CNTN5: variants seen among roughly 807,000 people sequenced by gnomAD.
The protein encoded by CNTN5 is contactin 5.
In CNTN5, 77 loss-of-function variants were observed where a neutral mutation model predicts 129.1. The observed-to-expected ratio is 0.60, with a 90% CI of 0.50 to 0.72. CNTN5 has a LOEUF of 0.72. Among genes scored for constraint, CNTN5 ranks in the 30% least tolerant of loss-of-function variants. The pLI is 0.00. For missense variants in CNTN5, 1,478 were observed against 1,328.8 expected, an observed-to-expected ratio of 1.11 and a Z score of -1.75; for synonymous variants, 509 against 465.6, an observed-to-expected ratio of 1.09 and a Z score of -1.20.
chr11:100,079,666 AG>A, intron 13 of CNTN5, among the ~76,000 whole-genome samples: 1 of 152,122 alleles, frequency 6.6e-6, no homozygotes, highest in Non-Finnish European at 1.5e-5. Flanking sequence ...TTTTTCTTTA[AG>A]GGCTCTCCAG....
chr11:99,293,243 G>A (rs1864244541), intron 1 of CNTN5, among the ~76,000 whole-genome samples: 1 of 152,128 alleles, frequency 6.6e-6, no homozygotes, highest in Non-Finnish European at 1.5e-5. Context: ...CACAATGTAT[G>A]TATGTAAAAC....
At chr11:100,088,713 A>G (rs1396308771) in intron 13 of CNTN5, among the ~76,000 whole-genome samples, 1 of 152,166 alleles carries the variant, frequency 6.6e-6, no homozygotes, top group Non-Finnish European at 1.5e-5. Flanking sequence ...TGAACAGACC[A>G]GTATCCAGTT....
At chr11:99,298,865 C>T (rs78387474) in intron 1 of CNTN5, among the ~76,000 whole-genome samples, 2 of 151,876 alleles carry the variant, frequency 1.3e-5, no homozygotes, top group African/African-American at 4.8e-5. Context: ...AGGTAACTTC[C>T]CCTCCAACCA....
At chr11:99,063,922 A>T (rs1335952096) in intron 1 of CNTN5, among the ~76,000 whole-genome samples, 1 of 152,068 alleles carries the variant, frequency 6.6e-6, no homozygotes, top group African/African-American at 2.4e-5. Context: ...ATAAGTGTGC[A>T]GTTTTTACCT....
At chr11:99,856,087 C>A (rs1430145081) in intron 6 of CNTN5, among the ~76,000 whole-genome samples, 2 of 152,078 alleles carry the variant, frequency 1.3e-5, no homozygotes, top group African/African-American at 4.8e-5. Flanking sequence ...TCACTAATTA[C>A]CTACGTGTTG....
At chr11:99,172,539 C>T (rs145034619) in intron 1 of CNTN5, among the ~76,000 whole-genome samples, 1 of 152,160 alleles carries the variant, frequency 6.6e-6, no homozygotes, top group African/African-American at 2.4e-5. Flanking sequence ...ACATTAACAT[C>T]TCTGAAGCTC....
At chr11:99,763,342 G>T (rs79688020) in intron 3 of CNTN5, among the ~76,000 whole-genome samples, 1,758 of 152,034 alleles carry the variant, frequency 0.012, 35 homozygotes, top group African/African-American at 0.04. Flanking sequence ...CCAAACAAAA[G>T]GATAATCATA....
rs1945500285 is a variant in CNTN5 at position 99,479,298 on chromosome 11, A to C, written c.-70-76847A>C. Reference sequence around the variant, plus strand: ...TTTTACTATTTTATAAGAAAATGTTATTTATTATGAAAGATAATTTAATTT... The same window carrying C: ...TTTTACTATTTTATAAGAAAATGTTCTTTATTATGAAAGATAATTTAATTT... On this transcript the variant is annotated intron_variant, in intron 2 of 24. Coordinates refer to ENST00000524871, the MANE Select transcript of CNTN5 (RefSeq NM_014361.4). Among the ~76,000 whole-genome samples the C allele has an allele frequency of 2.6e-5, 4 of 151,794 alleles. No homozygotes were observed. The South Asian group carries it at 8.3e-4, about 31-fold the overall frequency.
rs1565689064 is a variant in CNTN5, at chr11:99,930,520, A to C, written c.673+14371A>C. Among the ~76,000 whole-genome samples the C allele has an allele frequency of 2.0e-5, 3 of 152,202 alleles. No homozygotes were observed. The South Asian group carries it at 6.2e-4, about 32-fold the overall frequency. ...ACCGCCTGACAATTGCCTGACAGTC[A>C]CCTGACAGTTGCCTGATATTCTTTG... On this transcript the variant is annotated intron_variant, in intron 7 of 24. Transcript: ENST00000524871.
chr11:99,775,622 G>A (rs1278280552), intron 3 of CNTN5, among the ~76,000 whole-genome samples: 1 of 151,964 alleles, frequency 6.6e-6, no homozygotes. Flanking sequence ...CATATTTTAA[G>A]TTTTCTTCGG....
At chr11:99,620,025 CAA>C (rs779644229) in intron 3 of CNTN5, among the ~76,000 whole-genome samples, 1 of 67,908 alleles carries the variant, frequency 1.5e-5, no homozygotes, top group Non-Finnish European at 3.3e-5. Flanking sequence ...GACTCCGTCT[CAA>C]AAAAAAAAAA....
intron 13 of CNTN5, among the ~76,000 whole-genome samples, chr11:100,181,799 T>C (rs1428115320): frequency 6.6e-6 from 1 of 152,026 alleles, no homozygotes; most frequent in African/African-American, 2.4e-5. Context: ...GATATAAACC[T>C]TTAAAAAGAT....
chr11:99,935,396 A>G, intron 7 of CNTN5, among the ~76,000 whole-genome samples: 1 of 152,088 alleles, frequency 6.6e-6, no homozygotes, highest in East Asian at 1.9e-4. Flanking sequence ...GCATTATATT[A>G]TAAACATCAT....
At chr11:100,030,582 G>A (rs546698890) in intron 9 of CNTN5, among the ~76,000 whole-genome samples, 14 of 152,240 alleles carry the variant, frequency 9.2e-5, no homozygotes, top group South Asian at 2.1e-4. Context: ...CTCATTGTCC[G>A]CTTGTCTCTA....
chr11:100,229,042 C>A (rs2138642004), intron 16 of CNTN5, among the ~76,000 whole-genome samples: 1 of 152,270 alleles, frequency 6.6e-6, no homozygotes, highest in Middle Eastern at 3.4e-3. Context: ...CTACACAGCT[C>A]ACACACCAAG....
chr11:99,897,061 ACTT>A (rs1384021154), intron 6 of CNTN5, among the ~76,000 whole-genome samples: 10 of 152,184 alleles, frequency 6.6e-5, no homozygotes, highest in Admixed American at 4.6e-4. Context: ...GGAAGAAAGA[ACTT>A]CAATGCGTAA....
At chr11:99,510,700 C>T (rs373011482) in intron 2 of CNTN5, among the ~76,000 whole-genome samples, 49 of 152,196 alleles carry the variant, frequency 3.2e-4, no homozygotes, top group African/African-American at 9.9e-4. Flanking sequence ...CATTATTCAA[C>T]GTTTATGGTG....
At chr11:99,245,321 T>C (rs936761391) in intron 1 of CNTN5, among the ~76,000 whole-genome samples, 3 of 152,166 alleles carry the variant, frequency 2.0e-5, no homozygotes, top group Non-Finnish European at 4.4e-5. Flanking sequence ...TTATTATTAC[T>C]ATTATTTTTT....
intron 3 of CNTN5, among the ~76,000 whole-genome samples, chr11:99,799,178 T>C (rs1946038895): frequency 6.6e-6 from 1 of 152,030 alleles, no homozygotes; most frequent in Non-Finnish European, 1.5e-5. Flanking sequence ...ATGTATAGAA[T>C]CATATTATTG....
Sources: gnomAD v4.1 joint callset for allele counts (sites outside exome capture counted in the v4.1 genomes callset) on GRCh38, gnomAD v4.1.1 for gene constraint, MANE v1.5 for transcripts, NCBI Gene and HGNC (gene_info 2026-07-23, HGNC 2026-07-21) for gene names.